TRIM11: variants seen among roughly 807,000 people sequenced by gnomAD.
TRIM11 encodes E3 ubiquitin-protein ligase TRIM11.
A neutral mutation model predicts 33.4 loss-of-function variants in TRIM11; 15 were observed. The ratio of observed to expected loss-of-function variants is 0.45; its 90% CI spans 0.30 to 0.69. The LOEUF (loss-of-function observed/expected upper bound fraction) is 0.69, where lower values mean the gene tolerates loss of function less well. Among genes scored for constraint, TRIM11 ranks in the 30% least tolerant of loss-of-function variants. The pLI is 0.08. For missense variants in TRIM11, 499 were observed against 667.6 expected (o/e 0.75, Z 2.78); for synonymous variants, 281 against 302.6 (o/e 0.93, Z 0.74).
chr1:228,406,675 G>C lies in TRIM11; in HGVS notation c.-114C>G. On this transcript the variant is annotated 5_prime_UTR_variant, in exon 1 of 6. Coordinates refer to ENST00000284551, the MANE Select transcript of TRIM11 (RefSeq NM_145214.3). The surrounding 1 kb of genome is among the most constrained non-coding windows in gnomAD (Gnocchi z 8.2). ...GCGGCGGCGCAGGCTCGGGCACTCC[G>C]GGGCGCGAGGCTCGGGACTCCCGGG... The C allele has an allele frequency of 9.3e-7, 1 of 1,071,724 alleles. No homozygotes were observed. Among genetic ancestry groups the C allele is most frequent in the East Asian group, 3.3e-5 (1 of 30,094 alleles). 66.4% of individuals were successfully genotyped at this position (1,071,724 alleles called of 1,614,324 possible). A position where few individuals can be genotyped will look rare whatever the true frequency, so the allele number is the denominator to read the frequency against.
chr1:228,395,109 C>G lies in TRIM11; in HGVS notation c.1003G>C (p.Glu335Gln). ...TAGTGGCGGCCTGAGGTGAAGCGCT[C>G]CTGGCCCAGCACGCAGGGGCCGGGG... ...FDPGPCVLGQ[E>Q]RFTSGRHYWE... The change falls in exon 6 of 6, where the codon GAG becomes CAG. Residue 335 changes from glutamate to glutamine, a missense_variant. Glu to Gln is a conservative substitution (Grantham distance 29). Coordinates refer to ENST00000284551, the MANE Select transcript of TRIM11 (RefSeq NM_145214.3). The surrounding 1 kb of genome is among the most constrained non-coding windows in gnomAD (Gnocchi z 4.8). 6.3e-7 allele frequency: 1 copy of G among 1,594,934 alleles called. No homozygotes were observed. Among genetic ancestry groups the G allele is most frequent in the Non-Finnish European group, 8.5e-7 (1 of 1,171,786 alleles).
At position 228,394,947 on chromosome 1, in the gene TRIM11, A is replaced by C. The variant is rs1294440042; in HGVS notation, c.1165T>G (p.Ser389Ala). The C allele has an allele frequency of 1.9e-6, 3 of 1,613,972 alleles. No individual in the cohort carries two copies. The highest frequency in any genetic ancestry group is 2.7e-5 in the African/African-American group (2 of 74,880). ...AGTGGAGCCAAGGCCCGTTCCGAGG[A>C]ATTGTAATAGCTCCCCAGGAAGACC... ...ILVFLGSYYN[S>A]SERALAPLRD... Residue 389 changes from serine to alanine, a missense_variant, in exon 6 of 6, where the codon TCC (serine) becomes GCC (alanine). Physicochemically the swap from Ser to Ala is moderately conservative, Grantham distance 99. Coordinates refer to ENST00000284551, the MANE Select transcript of TRIM11 (RefSeq NM_145214.3). The surrounding 1 kb of genome is among the most constrained non-coding windows in gnomAD (Gnocchi z 6.2).
At chr1:228,399,848 A>G (rs1320509795) in intron 3 of TRIM11, among the ~76,000 whole-genome samples, 2 of 133,328 alleles carry the variant, frequency 1.5e-5, no homozygotes, top group Admixed American at 9.4e-5. Context: ...TGATGGCTAC[A>G]CTCTGACTGC....
chr1:228,396,277 C>G (rs1298964276), intron 5 of TRIM11: 2 of 200,958 alleles, frequency 1.0e-5, no homozygotes, highest in Non-Finnish European at 2.0e-5. Context: ...GCCCCATCAC[C>G]AATGACCAAT....
intron 3 of TRIM11, among the ~76,000 whole-genome samples, chr1:228,398,873 C>T (rs961816768): frequency 6.6e-6 from 1 of 152,018 alleles, no homozygotes; most frequent in East Asian, 1.9e-4. Context: ...GCAGGGGCGG[C>T]AGGAGAAGGG....
At chr1:228,398,211 C>T (rs932551612) in intron 3 of TRIM11, among the ~76,000 whole-genome samples, 1 of 152,104 alleles carries the variant, frequency 6.6e-6, no homozygotes, top group African/African-American at 2.4e-5. Context: ...AGCTACCAGG[C>T]CAGGATGCAG....
chr1:228,398,533 C>T (rs1043804415), intron 3 of TRIM11, among the ~76,000 whole-genome samples: 3 of 152,126 alleles, frequency 2.0e-5, no homozygotes, highest in Non-Finnish European at 2.9e-5. Flanking sequence ...ATGGAAGGAT[C>T]GCTTCAGCCC....
In TRIM11 at chr1:228,399,895, A is replaced by AAC. The variant is rs1553700796; in HGVS notation, c.735+1068_735+1069insGT. ...TTAAATCTACAAAAAAAAAAACAAA[A>AAC]AAAAAAAAACAAAAAACAAAAAAAC... On this transcript the variant is annotated intron_variant, in intron 3 of 5. Coordinates refer to ENST00000284551, the MANE Select transcript of TRIM11 (RefSeq NM_145214.3). 4.7e-3 allele frequency among the ~76,000 whole-genome samples: 713 copies of AAC among 151,830 alleles called. 9 individuals carry two copies. Among genetic ancestry groups the AAC allele is most frequent in the African/African-American group, 0.016 (679 of 41,416 alleles).
rs2074988351 is a variant in TRIM11 at position 228,396,578 on chromosome 1, AG to A, written c.859+368del. 9.2e-6 allele frequency: 6 copies of A among 655,438 alleles called. No individual in the cohort carries two copies. The East Asian group carries it at 1.6e-4, about 18-fold the overall frequency. The allele number at this position is 655,438 out of a possible 1,614,324, so 40.6% of individuals were successfully genotyped here. A position where few individuals can be genotyped will look rare whatever the true frequency, so the allele number is the denominator to read the frequency against. ...ACATCTGCAGAGGCGCTGAGGGAAC[AG>A]AAGTATGGGCAGCCCCTGGAAGTTG... On this transcript the variant is annotated intron_variant, in intron 5 of 5. Transcript: ENST00000284551.
At chr1:228,398,696 C>A (rs1254906398) in intron 3 of TRIM11, among the ~76,000 whole-genome samples, 1 of 151,952 alleles carries the variant, frequency 6.6e-6, no homozygotes, top group East Asian at 1.9e-4. Context: ...TTGGTAGACA[C>A]AGGGGGAGTG....
At position 228,406,261 on chromosome 1, in the gene TRIM11, C is replaced by T. The variant is rs1157011188; in HGVS notation, c.301G>A (p.Ala101Thr). The T allele has an allele frequency of 6.0e-6, 9 of 1,496,216 alleles. No individual in the cohort carries two copies. The highest frequency in any genetic ancestry group is 8.0e-6 in the Non-Finnish European group (9 of 1,129,610). The allele number at this position is 1,496,216 out of a possible 1,614,324, so 92.7% of individuals were successfully genotyped here. A position where few individuals can be genotyped will look rare whatever the true frequency, so the allele number is the denominator to read the frequency against. ...VCPAHREPLA[A>T]FCGDELRLLC... The stretch of plus-strand genomic sequence containing the variant: ...AGGCGCAGCTCGTCGCCACAGAAGG[C>T]GGCCAGTGGCTCGCGGTGCGCGGGG... The change falls in exon 1 of 6, where the codon GCC (alanine) becomes ACC (threonine). Residue 101 changes from alanine to threonine, a missense_variant. Transcript: ENST00000284551. The surrounding 1 kb of genome is among the most constrained non-coding windows in gnomAD (Gnocchi z 8.2).
Position 228,394,755 on chromosome 1 carries a change from T to C in TRIM11, c.1357A>G (p.Thr453Ala). Residue 453 changes from threonine to alanine, a missense_variant, in exon 6 of 6, where the codon ACT becomes GCT. By Grantham distance (58) the Thr-to-Ala change is moderately conservative. Coordinates refer to ENST00000284551, the MANE Select transcript of TRIM11 (RefSeq NM_145214.3). The surrounding 1 kb of genome is among the most constrained non-coding windows in gnomAD (Gnocchi z 6.2). ...GACCCACCTTTCGGCCGGCAGATAG[T>C]CATCGGGGTCGGGCTGCTGGACAGG... The part of the protein sequence containing the change: ...SPLSSSPTPM[T>A]ICRPKGGSGD... The C allele has an allele frequency of 6.2e-7, 1 of 1,612,860 alleles. No individual in the cohort carries two copies. Among genetic ancestry groups the C allele is most frequent in the Non-Finnish European group, 8.5e-7 (1 of 1,179,294 alleles).
chr1:228,396,772 C>T (rs2074989823), intron 5 of TRIM11, 175 bp downstream of exon 5: 1 of 726,848 alleles, frequency 1.4e-6, no homozygotes. Flanking sequence ...TGTGAAAATA[C>T]CCACACAACT....
rs945340479 is a variant in TRIM11 at position 228,406,064 on chromosome 1, C to T, written c.408+90G>A. The T allele has an allele frequency of 2.3e-6, 3 of 1,290,794 alleles. No individual in the cohort carries two copies. The highest frequency in any genetic ancestry group is 3.0e-6 in the Non-Finnish European group (3 of 1,010,386). The allele number at this position is 1,290,794 out of a possible 1,614,324, so 80.0% of individuals were successfully genotyped here. ...GCCCTAGACAGAGACAGATTACTCCCGGAGCAGTCCCCCAAACCTCCCACC... is the reference window on the plus strand; with the variant it reads ...GCCCTAGACAGAGACAGATTACTCCTGGAGCAGTCCCCCAAACCTCCCACC... On this transcript the variant is annotated intron_variant, in intron 1 of 5. Transcript: ENST00000284551. The surrounding 1 kb of genome is among the most constrained non-coding windows in gnomAD (Gnocchi z 8.2).
Position 228,395,489 on chromosome 1 carries a change from TTCAGATATCAAGAGGGAA to T in TRIM11, c.860-255_860-238del, listed in dbSNP as rs2074976969. The T allele has an allele frequency of 1.0e-5, 4 of 400,528 alleles. No individual in the cohort carries two copies. In the East Asian group the frequency reaches 1.5e-4, roughly 15 times the overall value. 24.8% of individuals were successfully genotyped at this position (400,528 alleles called of 1,614,324 possible). A position where few individuals can be genotyped will look rare whatever the true frequency, so the allele number is the denominator to read the frequency against. ...CCTACAAATTGGTCCATGTTTTGCC[TTCAGATATCAAGAGGGAA>T]TCTTGGTTGCTTTTTTTTTTTTTTT... On this transcript the variant is annotated intron_variant, in intron 5 of 5. Transcript: ENST00000284551. This position sits in a 1 kb window ranked among gnomAD's most constrained non-coding sequence, Gnocchi z 4.8.
At chr1:228,396,499 T>A (rs958499340) in intron 5 of TRIM11, 2 of 597,232 alleles carry the variant, frequency 3.3e-6, no homozygotes, top group African/African-American at 3.7e-5. Context: ...AATAAACCAA[T>A]GACAGTAAGT....
At chr1:228,398,091 G>A (rs1176585688) in intron 3 of TRIM11, among the ~76,000 whole-genome samples, 2 of 152,202 alleles carry the variant, frequency 1.3e-5, no homozygotes. Flanking sequence ...CAGCTCTTAG[G>A]AGACACGGTC....
chr1:228,401,002 C>T lies in TRIM11; in HGVS notation c.697G>A (p.Glu233Lys). 2 of 1,598,720 alleles carry T rather than the reference C, an allele frequency of 1.3e-6. No individual in the cohort carries two copies. Among genetic ancestry groups the T allele is most frequent in the Non-Finnish European group, 1.7e-6 (2 of 1,171,154 alleles). Reference sequence around the variant, plus strand: ...AGAGCAGGCAGCTGGCAGCGGCCCTCGAGCTCGGCGATGAGCTCAGCTAGG... The same window carrying T: ...AGAGCAGGCAGCTGGCAGCGGCCCTTGAGCTCGGCGATGAGCTCAGCTAGG... ...AHLAELIAEL[E>K]GRCQLPALGL... Residue 233 changes from glutamate (E) to lysine (K), a missense_variant, in exon 3 of 6, where the codon GAG (glutamate) becomes AAG (lysine). Coordinates refer to ENST00000284551, the MANE Select transcript of TRIM11 (RefSeq NM_145214.3). The surrounding 1 kb of genome is among the most constrained non-coding windows in gnomAD (Gnocchi z 6.1).
chr1:228,405,432 G>C (rs533671079), intron 1 of TRIM11: 1 of 152,418 alleles, frequency 6.6e-6, no homozygotes, highest in South Asian at 2.1e-4. Context: ...AGGCTCCCAG[G>C]AGCACACCTG....
Sources: allele counts gnomAD v4.1 joint callset (sites outside exome capture counted in the v4.1 genomes callset), GRCh38; gene constraint gnomAD v4.1.1; non-coding constraint Gnocchi (gnomAD v3.1); transcripts MANE v1.5; gene names NCBI Gene and HGNC (gene_info 2026-07-23, HGNC 2026-07-21).